Variants in LGR5 observed in about 807,000 individuals in gnomAD.
LGR5 encodes the protein leucine rich repeat containing G protein-coupled receptor 5, also known as leucine-rich repeat-containing G protein-coupled receptor 5.
In LGR5, 54 loss-of-function variants were observed where a neutral mutation model predicts 76.7. The ratio of observed to expected loss-of-function variants is 0.70; its 90% CI spans 0.57 to 0.88. LGR5 has a LOEUF of 0.88. Among genes scored for constraint, LGR5 ranks in the 40% least tolerant of loss-of-function variants. The pLI, the probability that LGR5 is intolerant of heterozygous loss-of-function variation, is 0.00. For missense variants in LGR5, 1,078 were observed against 1,073.3 expected (o/e 1.00, Z -0.06); for synonymous variants, 406 against 421.9 (o/e 0.96, Z 0.46).
intron 15 of LGR5, 75 bp from the exon 16 acceptor site, chr12:71,580,203 G>A: frequency 1.5e-6 from 2 of 1,361,578 alleles, no homozygotes; most frequent in Non-Finnish European, 2.0e-6. Flanking sequence ...GAATAATTGG[G>A]TGAAAGAACA....
chr12:71,564,668 C>T (rs1481569606), intron 8 of LGR5, among the ~76,000 whole-genome samples: 1 of 145,304 alleles, frequency 6.9e-6, no homozygotes, highest in Non-Finnish European at 1.5e-5. Flanking sequence ...TATGTACACA[C>T]ACTGTATATA....
At chr12:71,453,549 T>C (rs1872336886) in intron 1 of LGR5, among the ~76,000 whole-genome samples, 3 of 151,732 alleles carry the variant, frequency 2.0e-5, no homozygotes, top group Non-Finnish European at 4.4e-5. Context: ...CTTCTTGTGC[T>C]CTTAGAAGCA....
chr12:71,522,005 T>C (rs1019147318), intron 2 of LGR5, among the ~76,000 whole-genome samples: 1 of 152,148 alleles, frequency 6.6e-6, no homozygotes, highest in African/African-American at 2.4e-5. Flanking sequence ...TTTGAAGTCC[T>C]TTGGTAGCAC....
chr12:71,553,754 C>A (rs1044792164), intron 5 of LGR5, among the ~76,000 whole-genome samples: 1 of 152,104 alleles, frequency 6.6e-6, no homozygotes, highest in Non-Finnish European at 1.5e-5. Context: ...TTGCCCACTG[C>A]CCAAATAGAG....
chr12:71,451,717 A>G (rs1441496241), intron 1 of LGR5, among the ~76,000 whole-genome samples: 5 of 152,194 alleles, frequency 3.3e-5, no homozygotes, highest in African/African-American at 1.2e-4. Context: ...AAATTGGATC[A>G]GAACACAGAA....
At chr12:71,513,226 A>T (rs1001796040) in intron 2 of LGR5, among the ~76,000 whole-genome samples, 1 of 152,214 alleles carries the variant, frequency 6.6e-6, no homozygotes, top group Admixed American at 6.5e-5. Flanking sequence ...AGCAATGAAG[A>T]CTAAAAGAGA....
chr12:71,456,231 A>G (rs1220052217), intron 1 of LGR5, among the ~76,000 whole-genome samples: 1 of 152,184 alleles, frequency 6.6e-6, no homozygotes, highest in Admixed American at 6.6e-5. Context: ...AAAAAATACA[A>G]TATTTCCAGC....
At chr12:71,529,638 C>T (rs947245282) in intron 3 of LGR5, among the ~76,000 whole-genome samples, 1 of 152,070 alleles carries the variant, frequency 6.6e-6, no homozygotes, top group Non-Finnish European at 1.5e-5. Flanking sequence ...TTATTTTTCT[C>T]ACACCCAACC....
At chr12:71,561,269 TCAA>T (rs1261849310) in intron 7 of LGR5, among the ~76,000 whole-genome samples, 5 of 152,080 alleles carry the variant, frequency 3.3e-5, no homozygotes, top group African/African-American at 4.8e-5. Context: ...TCAGACAACA[TCAA>T]CAACAACAGA....
At chr12:71,505,623 T>A (rs1457865301) in intron 2 of LGR5, among the ~76,000 whole-genome samples, 1 of 152,204 alleles carries the variant, frequency 6.6e-6, no homozygotes, top group Non-Finnish European at 1.5e-5. Context: ...GTGGAAAGAA[T>A]GTTTCATCAT....
chr12:71,502,427 A>G (rs1051696412), intron 1 of LGR5, among the ~76,000 whole-genome samples: 18 of 151,678 alleles, frequency 1.2e-4, no homozygotes, highest in African/African-American at 4.1e-4. Flanking sequence ...CAAACTCCTG[A>G]CCTCGGGTGA....
rs201779813 is a variant in LGR5 at position 71,566,907 on chromosome 12, A to C, written c.1065A>C (p.Gln355His). The change falls in exon 11 of 18, where the codon CAA becomes CAC. Residue 355 changes from glutamine to histidine, a missense_variant. By Grantham distance (24) the Gln-to-His change is conservative. Coordinates refer to ENST00000266674, the MANE Select transcript of LGR5 (RefSeq NM_003667.4). Reference protein sequence around the residue: ...QTVCNQLPNLQVLDLSYNLLE... With the variant: ...QTVCNQLPNLHVLDLSYNLLE... The stretch of plus-strand genomic sequence containing the variant: ...TCTGCAATCAGTTACCTAATCTCCA[A>C]GTGCTGTGCGTATCAGTAAGGCAAT... The C allele has an allele frequency of 3.1e-6, 5 of 1,611,106 alleles. No individual in the cohort carries two copies. The African/African-American group carries it at 6.7e-5, about 22-fold the overall frequency.
intron 2 of LGR5, among the ~76,000 whole-genome samples, chr12:71,523,477 TAAAAAAGAA>T (rs1351196759): frequency 3.3e-5 from 5 of 151,328 alleles, no homozygotes; most frequent in African/African-American, 9.7e-5. Flanking sequence ...AAACCATCTC[TAAAAAAGAA>T]AAAAAAGAAA....
At chr12:71,526,654 G>T (rs1054987715) in intron 3 of LGR5, among the ~76,000 whole-genome samples, 2 of 152,098 alleles carry the variant, frequency 1.3e-5, no homozygotes, top group Non-Finnish European at 2.9e-5. Context: ...CAAGATAGTG[G>T]GACGAAGACA....
intron 16 of LGR5, among the ~76,000 whole-genome samples, chr12:71,580,818 A>G (rs899823837): frequency 3.3e-5 from 5 of 152,182 alleles, no homozygotes; most frequent in African/African-American, 9.7e-5. Context: ...AAAAAAGGAA[A>G]AAAAATTATC....
intron 1 of LGR5, among the ~76,000 whole-genome samples, chr12:71,485,543 G>C (rs35596374): frequency 0.09 from 13,608 of 151,884 alleles, 652 homozygotes; most frequent in Non-Finnish European, 0.11. Context: ...ATATTGAGAC[G>C]CCATCTCTGC....
intron 2 of LGR5, among the ~76,000 whole-genome samples, chr12:71,509,691 G>C (rs1451573569): frequency 6.6e-6 from 1 of 152,170 alleles, no homozygotes; most frequent in African/African-American, 2.4e-5. Context: ...ACTAAATAAG[G>C]AGGGGGGAAT....
intron 4 of LGR5, among the ~76,000 whole-genome samples, chr12:71,543,889 C>G (rs185143112): frequency 1.3e-5 from 2 of 152,246 alleles, no homozygotes; most frequent in East Asian, 3.9e-4. Context: ...AGATTTTAAA[C>G]CCTGGTGATA....
intron 9 of LGR5, 42 bp from the exon 10 acceptor site, chr12:71,566,590 T>C (rs2137442850): frequency 6.4e-7 from 1 of 1,562,274 alleles, no homozygotes; most frequent in South Asian, 1.1e-5. Flanking sequence ...TACCCCTGTC[T>C]AGAATCTTCT....
Sources: allele counts gnomAD v4.1 joint callset (sites outside exome capture counted in the v4.1 genomes callset), GRCh38; gene constraint gnomAD v4.1.1; transcripts MANE v1.5; gene names NCBI Gene and HGNC (gene_info 2026-07-23, HGNC 2026-07-21).